Variants in GRID2 observed in about 807,000 individuals in gnomAD.
The protein encoded by GRID2 is glutamate receptor ionotropic, delta-2.
A neutral mutation model predicts 114.8 loss-of-function variants in GRID2; 33 were observed. That is an observed-to-expected ratio of 0.29 (90% CI 0.22 to 0.38). GRID2 has a LOEUF of 0.38. GRID2 is among the 10% of genes least tolerant of loss of function. GRID2 has a pLI of 1.00. For synonymous variants in GRID2, 505 were observed against 449.9 expected (o/e 1.12, Z -1.55); for missense variants, 1,184 against 1,257.7 (o/e 0.94, Z 0.89).
At chr4:92,652,886 A>ATTTATAAATACATATAAATATATG (rs1732022166) in intron 2 of GRID2, among the ~76,000 whole-genome samples, 1 of 140,102 alleles carries the variant, frequency 7.1e-6, no homozygotes, top group Admixed American at 7.3e-5. Flanking sequence ...ATAAAAATAT[A>ATTTATAAATACATATAAATATATG]TTTATAAATA....
intron 2 of GRID2, among the ~76,000 whole-genome samples, chr4:93,036,612 ATGT>A (rs1724960912): frequency 6.6e-6 from 1 of 152,170 alleles, no homozygotes; most frequent in African/African-American, 2.4e-5. Flanking sequence ...TTAGCCAATA[ATGT>A]TATCAGAAAA....
chr4:92,832,632 G>T (rs1742195571), intron 2 of GRID2, among the ~76,000 whole-genome samples: 1 of 152,052 alleles, frequency 6.6e-6, no homozygotes, highest in Non-Finnish European at 1.5e-5. Context: ...GACCTCAGGT[G>T]ATCCACCCAC....
At chr4:93,081,337 T>A (rs2149317956) in intron 2 of GRID2, among the ~76,000 whole-genome samples, 1 of 152,334 alleles carries the variant, frequency 6.6e-6, no homozygotes, top group South Asian at 2.1e-4. Flanking sequence ...CATTTTATTT[T>A]TAATCTTGTT....
At chr4:93,700,511 T>C (rs1056407213) in intron 14 of GRID2, among the ~76,000 whole-genome samples, 3 of 152,154 alleles carry the variant, frequency 2.0e-5, no homozygotes, top group Non-Finnish European at 2.9e-5. Context: ...CATTCCATAC[T>C]TCATCACTCA....
chr4:93,033,904 C>T (rs1724674194), intron 2 of GRID2, among the ~76,000 whole-genome samples: 1 of 152,082 alleles, frequency 6.6e-6, no homozygotes, highest in Admixed American at 6.6e-5. Context: ...GCCTATGTGC[C>T]TCATCTTACT....
At chr4:92,892,702 A>T (rs1478452460) in intron 2 of GRID2, among the ~76,000 whole-genome samples, 1 of 152,210 alleles carries the variant, frequency 6.6e-6, no homozygotes, top group Non-Finnish European at 1.5e-5. Context: ...ACATAATTTT[A>T]AAAATAACTG....
intron 1 of GRID2, among the ~76,000 whole-genome samples, chr4:92,507,633 A>AT (rs1412371683): frequency 6.6e-6 from 1 of 151,852 alleles, no homozygotes; most frequent in Non-Finnish European, 1.5e-5. Context: ...TATTGTCCTT[A>AT]TTTTTATCTA....
chr4:92,689,493 A>G (rs542395147), intron 2 of GRID2, among the ~76,000 whole-genome samples: 6 of 152,212 alleles, frequency 3.9e-5, no homozygotes, highest in Non-Finnish European at 8.8e-5. Flanking sequence ...GCGAGCAAGC[A>G]TTACCATCTG....
chr4:93,328,136 A>C (rs1579694168), intron 8 of GRID2, among the ~76,000 whole-genome samples: 1 of 152,230 alleles, frequency 6.6e-6, no homozygotes, highest in African/African-American at 2.4e-5. Context: ...AAACAAAAAA[A>C]AAACAAAAAA....
intron 2 of GRID2, among the ~76,000 whole-genome samples, chr4:93,027,909 TA>T (rs1724028903): frequency 6.6e-6 from 1 of 152,120 alleles, no homozygotes; most frequent in Admixed American, 6.6e-5. Context: ...TCTAAAATAT[TA>T]TTTTATTGAT....
Position 93,369,402 on chromosome 4 carries a change from C to G in GRID2, c.1246-26205C>G, listed in dbSNP as rs77544934. On this transcript the variant is annotated intron_variant, in intron 8 of 15. Transcript: ENST00000282020. ...AAGATCCTTTTTCCAAATAAAGCAACGTTTGTTTCCAAATTTTAGGATTTA... is the reference window on the plus strand; with the variant it reads ...AAGATCCTTTTTCCAAATAAAGCAAGGTTTGTTTCCAAATTTTAGGATTTA... Among the ~76,000 whole-genome samples, 1,053 of 152,250 alleles carry G rather than the reference C, an allele frequency of 6.9e-3. 11 individuals are homozygous for G. The highest frequency in any genetic ancestry group is 0.023 in the African/African-American group (975 of 41,558).
chr4:92,441,005 G>A (rs1579365099), intron 1 of GRID2, among the ~76,000 whole-genome samples: 2 of 151,956 alleles, frequency 1.3e-5, no homozygotes, highest in African/African-American at 4.8e-5. Context: ...AGCATAGTTT[G>A]TGATTTTGAG....
intron 14 of GRID2, among the ~76,000 whole-genome samples, chr4:93,627,637 G>A (rs186170961): frequency 2.0e-5 from 3 of 152,204 alleles, no homozygotes; most frequent in African/African-American, 7.2e-5. Context: ...CCTACTCTGT[G>A]CAAGCTTCTC....
At chr4:92,555,017 G>A (rs187096109) in intron 1 of GRID2, among the ~76,000 whole-genome samples, 8 of 152,252 alleles carry the variant, frequency 5.3e-5, no homozygotes, top group Admixed American at 2.6e-4. Flanking sequence ...AAAATTAACT[G>A]ATTAAAATGC....
intron 1 of GRID2, among the ~76,000 whole-genome samples, chr4:92,350,659 T>G (rs1394722166): frequency 6.6e-6 from 1 of 151,882 alleles, no homozygotes; most frequent in African/African-American, 2.4e-5. Context: ...AATTACATTT[T>G]CTTAACAGCT....
At chr4:93,462,717 A>G (rs1328108589) in intron 11 of GRID2, among the ~76,000 whole-genome samples, 1 of 152,186 alleles carries the variant, frequency 6.6e-6, no homozygotes, top group Non-Finnish European at 1.5e-5. Context: ...TCAAAAAGAC[A>G]TCAATTTTAA....
intron 2 of GRID2, among the ~76,000 whole-genome samples, chr4:93,018,758 C>A (rs928365221): frequency 6.6e-6 from 1 of 152,080 alleles, no homozygotes; most frequent in Non-Finnish European, 1.5e-5. Context: ...TCCTGCCTTT[C>A]TTATTATTCT....
intron 2 of GRID2, among the ~76,000 whole-genome samples, chr4:92,857,951 A>G (rs547476980): frequency 2.9e-4 from 44 of 152,330 alleles, no homozygotes; most frequent in African/African-American, 9.6e-4. Context: ...GAATTATGCT[A>G]AATCTATTAT....
chr4:93,171,444 A>G (rs889352713), intron 4 of GRID2, among the ~76,000 whole-genome samples: 5 of 152,198 alleles, frequency 3.3e-5, no homozygotes, highest in Admixed American at 2.6e-4. Context: ...TCCACAGTTT[A>G]AATTTCTCTT....
Sources: allele counts gnomAD v4.1 joint callset (sites outside exome capture counted in the v4.1 genomes callset), GRCh38; gene constraint gnomAD v4.1.1; transcripts MANE v1.5; gene names NCBI Gene and HGNC (gene_info 2026-07-23, HGNC 2026-07-21).